The following ALPK1 variants were observed in gnomAD, a reference collection of about 807,000 sequenced individuals.
ALPK1 encodes the protein alpha-protein kinase 1.
In ALPK1, 110 loss-of-function variants were observed where a neutral mutation model predicts 120.6. The observed-to-expected ratio is 0.91, with a 90% CI of 0.78 to 1.07. The LOEUF is 1.07. Ranked by LOEUF, ALPK1 falls within the 50% of genes least tolerant of loss-of-function variation. ALPK1 has a pLI of 0.00. For synonymous variants in ALPK1, 582 were observed against 560.3 expected (o/e 1.04, Z -0.55); for missense variants, 1,498 against 1,483.9 (o/e 1.01, Z -0.16).
In ALPK1 at chr4:112,441,072, C is replaced by T. The variant is rs914203231; in HGVS notation, c.3694C>T (p.Leu1232Phe). 1.2e-6 allele frequency: 2 copies of T among 1,613,826 alleles called. No homozygotes were observed. Among genetic ancestry groups the T allele is most frequent in the African/African-American group, 2.7e-5 (2 of 74,896 alleles). Residue 1232 changes from leucine to phenylalanine, a missense_variant, in exon 15 of 16, where the codon CTT (leucine) becomes TTT (phenylalanine). Leu to Phe is a conservative substitution (Grantham distance 22, BLOSUM62 0). Coordinates refer to ENST00000650871, the MANE Select transcript of ALPK1 (RefSeq NM_025144.4). ...GGAATGTAATGAAATCTGCCATCGT[C>T]TTTCTTTGACTAGACCTTCAATGGA... ...HVECNEICHRLSLTRPSMEKP... is the reference protein window; with the variant it reads ...HVECNEICHRFSLTRPSMEKP...
chr4:112,413,316 A>G (rs1250927790), intron 5 of ALPK1, among the ~76,000 whole-genome samples: 1 of 152,244 alleles, frequency 6.6e-6, no homozygotes, highest in East Asian at 1.9e-4. Context: ...TTTGTGCCAT[A>G]CAGCATTGCT....
At chr4:112,355,649 T>C (rs909763114) in intron 2 of ALPK1, among the ~76,000 whole-genome samples, 8 of 152,172 alleles carry the variant, frequency 5.3e-5, no homozygotes, top group Non-Finnish European at 8.8e-5. Flanking sequence ...ACCCCAGATT[T>C]CTGCCTGTGG....
rs1322231698 is a variant in ALPK1, at chr4:112,442,263, CA to C, written c.*1056del. 1 of 152,072 alleles carries C rather than the reference CA, an allele frequency of 6.6e-6. No homozygotes were observed. Among genetic ancestry groups the C allele is most frequent in the Non-Finnish European group, 1.5e-5 (1 of 68,024 alleles). 9.4% of individuals were successfully genotyped at this position (152,072 alleles called of 1,614,324 possible). On this transcript the variant is annotated 3_prime_UTR_variant, in exon 16 of 16. Coordinates refer to ENST00000650871, the MANE Select transcript of ALPK1 (RefSeq NM_025144.4). ...TGAGATTTGGGTGGGGACACAAAGC[CA>C]AACCATATCACAATGTAACCATAAA...
intron 11 of ALPK1, 140 bp downstream of exon 11, chr4:112,432,721 A>G (rs1734629229): frequency 7.4e-6 from 6 of 807,140 alleles, no homozygotes; most frequent in South Asian, 1.8e-5. Context: ...AGAGAAATGT[A>G]TACTTCAGGG....
At chr4:112,371,032 C>T (rs1362437733) in intron 2 of ALPK1, among the ~76,000 whole-genome samples, 2 of 152,190 alleles carry the variant, frequency 1.3e-5, no homozygotes, top group Middle Eastern at 3.2e-3. Context: ...CAGTTTTGAG[C>T]TATGGTGAAG....
At chr4:112,324,039 T>TCTATTGCA (rs1244929766) in intron 2 of ALPK1, among the ~76,000 whole-genome samples, 1 of 152,176 alleles carries the variant, frequency 6.6e-6, no homozygotes, top group African/African-American at 2.4e-5. Flanking sequence ...ATAAAAAGCC[T>TCTATTGCA]GCTCTTGGCC....
intron 2 of ALPK1, among the ~76,000 whole-genome samples, chr4:112,349,475 T>C (rs1039587683): frequency 1.3e-5 from 2 of 152,158 alleles, no homozygotes; most frequent in Non-Finnish European, 2.9e-5. Context: ...CAATTTTTTT[T>C]GTGTTTTACA....
intron 1 of ALPK1, among the ~76,000 whole-genome samples, chr4:112,308,247 A>AGTATCT (rs1366194470): frequency 6.6e-6 from 1 of 151,848 alleles, no homozygotes; most frequent in Non-Finnish European, 1.5e-5. Context: ...CTTCTCAAGG[A>AGTATCT]GTATCTTTGT....
intron 2 of ALPK1, chr4:112,353,056 A>C (rs1251012110): frequency 1.3e-5 from 2 of 148,712 alleles, no homozygotes; most frequent in Non-Finnish European, 3.0e-5. Flanking sequence ...GCTCATTGCA[A>C]CCTCTGCCTC....
intron 5 of ALPK1, among the ~76,000 whole-genome samples, chr4:112,417,387 T>A (rs1733792208): frequency 6.6e-6 from 1 of 152,206 alleles, no homozygotes; most frequent in South Asian, 2.1e-4. Context: ...GTGCAAAAAA[T>A]CTTGAAATAT....
In ALPK1 at chr4:112,382,445, A is replaced by G; in HGVS notation, c.169A>G (p.Met57Val). ...LRTLIQEAKEMKWPFVPEKWQ... is the reference protein window; with the variant it reads ...LRTLIQEAKEVKWPFVPEKWQ... ...GACCCTGATCCAGGAGGCAAAGGAA[A>G]TGAAGTGGCCCTTCGTGCCTGAAAA... The change falls in exon 4 of 16, where the codon ATG (methionine) becomes GTG (valine). Residue 57 changes from methionine to valine, a missense_variant. By Grantham distance (21) the Met-to-Val change is conservative (BLOSUM62 1). Transcript: ENST00000650871. 2.5e-6 allele frequency: 4 copies of G among 1,614,156 alleles called. 2 individuals carry two copies. In the South Asian group the frequency reaches 4.4e-5, roughly 18 times the overall value.
At chr4:112,424,773 GCA>G (rs995825566) in intron 6 of ALPK1, among the ~76,000 whole-genome samples, 21 of 152,006 alleles carry the variant, frequency 1.4e-4, no homozygotes, top group African/African-American at 4.6e-4. Flanking sequence ...ATGTGTGTGT[GCA>G]CACACACACG....
intron 4 of ALPK1, among the ~76,000 whole-genome samples, chr4:112,409,248 G>C (rs1733339828): frequency 6.6e-6 from 1 of 152,116 alleles, no homozygotes; most frequent in South Asian, 2.1e-4. Flanking sequence ...TCAAGGCCAA[G>C]TAGCAAAATA....
At chr4:112,336,181 C>A (rs1338267061) in intron 2 of ALPK1, among the ~76,000 whole-genome samples, 1 of 152,138 alleles carries the variant, frequency 6.6e-6, no homozygotes, top group African/African-American at 2.4e-5. Context: ...GGGAATGAAT[C>A]AAAGTGTAGG....
At chr4:112,377,184 C>T (rs1432036103) in intron 2 of ALPK1, among the ~76,000 whole-genome samples, 1 of 152,098 alleles carries the variant, frequency 6.6e-6, no homozygotes, top group Non-Finnish European at 1.5e-5. Context: ...TTAAATTTGG[C>T]ATTTGTCATT....
intron 2 of ALPK1, chr4:112,359,671 A>G: frequency 4.2e-6 from 1 of 239,848 alleles, no homozygotes; most frequent in Non-Finnish European, 8.5e-6. Flanking sequence ...GCCTTGGGGG[A>G]GGATGGTGCG....
chr4:112,409,733 A>T (rs964275604), intron 4 of ALPK1, among the ~76,000 whole-genome samples: 2 of 152,190 alleles, frequency 1.3e-5, no homozygotes, highest in African/African-American at 2.4e-5. Context: ...CAGTCAGATT[A>T]GTCACTCCAC....
At position 112,412,030 on chromosome 4, in the gene ALPK1, G is replaced by A. The variant is rs1488531927; in HGVS notation, c.475+5G>A. The A allele has an allele frequency of 5.6e-6, 9 of 1,613,544 alleles. No homozygotes were observed. In the East Asian group the frequency reaches 8.9e-5, roughly 16 times the overall value. Reference sequence around the variant, plus strand: ...CCCGAATCTCCGTGAACTCAGGTATGCTCCCTCCTGCTGGCCGCCCCCGCG... The same window carrying A: ...CCCGAATCTCCGTGAACTCAGGTATACTCCCTCCTGCTGGCCGCCCCCGCG... On this transcript the variant is annotated splice_donor_5th_base_variant and intron_variant, in intron 5 of 15. Coordinates refer to ENST00000650871, the MANE Select transcript of ALPK1 (RefSeq NM_025144.4).
At chr4:112,365,132 C>T (rs529240380) in intron 2 of ALPK1, among the ~76,000 whole-genome samples, 51 of 152,074 alleles carry the variant, frequency 3.4e-4, no homozygotes, top group Middle Eastern at 3.4e-3. Flanking sequence ...AAGCATTCCC[C>T]GAGAGCTGGA....
Sources: allele counts gnomAD v4.1 joint callset (sites outside exome capture counted in the v4.1 genomes callset), GRCh38; gene constraint gnomAD v4.1.1; transcripts MANE v1.5; gene names NCBI Gene and HGNC (gene_info 2026-07-23, HGNC 2026-07-21).